TG: variants seen among roughly 807,000 people sequenced by gnomAD.
TG encodes thyroid hormones.
Under a neutral mutation model 324.7 loss-of-function variants are expected in TG, and 270 were observed. The ratio of observed to expected loss-of-function variants is 0.83; its 90% CI spans 0.75 to 0.92. The LOEUF (loss-of-function observed/expected upper bound fraction) is 0.92, where lower values mean the gene tolerates loss of function less well. Among genes scored for constraint, TG ranks in the 40% least tolerant of loss-of-function variants. The pLI is 0.00. For synonymous variants in TG, 1,401 were observed against 1,327.0 expected (o/e 1.06, Z -1.21); for missense variants, 3,591 against 3,456.4 (o/e 1.04, Z -0.98).
chr8:132,899,757 G>A (rs1817651214), intron 14 of TG, among the ~76,000 whole-genome samples: 2 of 152,182 alleles, frequency 1.3e-5, no homozygotes, highest in South Asian at 2.1e-4. Context: ...CACAATGTCC[G>A]ATGGTGGGAG....
chr8:133,059,553 C>A (rs1842059084), intron 41 of TG, among the ~76,000 whole-genome samples: 1 of 152,094 alleles, frequency 6.6e-6, no homozygotes, highest in Non-Finnish European at 1.5e-5. Context: ...TAGGCTCTTC[C>A]CCCGAGAATG....
intron 20 of TG, among the ~76,000 whole-genome samples, chr8:132,918,788 G>A (rs2132443018): frequency 6.6e-6 from 1 of 152,270 alleles, no homozygotes; most frequent in East Asian, 1.9e-4. Flanking sequence ...AAGAAAAACG[G>A]ATTAAAATAT....
chr8:133,049,173 C>G, intron 41 of TG: 1 of 456,556 alleles, frequency 2.2e-6, no homozygotes, highest in Non-Finnish European at 4.4e-6. Flanking sequence ...GCAGAGGCCT[C>G]ACTGGAACGA....
In TG at chr8:133,113,777, G is replaced by A. The variant is rs552375419; in HGVS notation, c.7754+174G>A. On this transcript the variant is annotated intron_variant, in intron 44 of 47. Coordinates refer to ENST00000220616, the MANE Select transcript of TG (RefSeq NM_003235.5). ...AGTGTCCCTGCTGAGGGGAAGCCCT[G>A]GAGGACATGTAGGGTGGACCCTGCT... is the stretch of plus-strand genomic sequence containing the variant. 2.5e-5 allele frequency: 19 copies of A among 761,140 alleles called. No individual in the cohort carries two copies. The African/African-American group carries it at 3.1e-4, about 13-fold the overall frequency. The allele number at this position is 761,140 out of a possible 1,614,324, so 47.1% of individuals were successfully genotyped here.
intron 43 of TG, among the ~76,000 whole-genome samples, chr8:133,106,808 T>C (rs1177040638): frequency 1.3e-5 from 2 of 152,160 alleles, no homozygotes; most frequent in African/African-American, 4.8e-5. Context: ...CTCACAGAAC[T>C]AGAAGCCCCA....
chr8:132,965,591 G>C (rs763816746), intron 29 of TG, among the ~76,000 whole-genome samples: 1 of 152,230 alleles, frequency 6.6e-6, no homozygotes, highest in Non-Finnish European at 1.5e-5. Flanking sequence ...AGCCCTCCAA[G>C]GTTACAGAGC....
intron 45 of TG, among the ~76,000 whole-genome samples, chr8:133,126,311 T>C (rs1325146042): frequency 6.6e-6 from 1 of 152,160 alleles, no homozygotes; most frequent in East Asian, 1.9e-4. Flanking sequence ...TTCAATTAGA[T>C]GTAAAATCAC....
In TG at chr8:132,873,191, T is replaced by A. The variant is rs745415156; in HGVS notation, c.608T>A (p.Met203Lys). ...QCKFVNTTDM[M>K]IFDLVHSYNR... ...AAATTTGTCAACACCACAGACATGA[T>A]GATTTTTGATCTGGTCCACAGCTAC... Residue 203 changes from methionine (M) to lysine (K), a missense_variant, in exon 5 of 48, where the codon ATG becomes AAG. Physicochemically the swap from Met to Lys is moderately conservative, Grantham distance 95. Coordinates refer to ENST00000220616, the MANE Select transcript of TG (RefSeq NM_003235.5). 5 of 1,614,158 alleles carry A rather than the reference T, an allele frequency of 3.1e-6. No individual in the cohort carries two copies. The highest frequency in any genetic ancestry group is 4.2e-6 in the Non-Finnish European group (5 of 1,180,028).
At position 133,029,830 on chromosome 8, in the gene TG, A is replaced by G. The variant is rs1587806762; in HGVS notation, c.7046A>G (p.Glu2349Gly). ...VFGFLSSGSG[E>G]VSGNWGLLDQ... Reference sequence around the variant, plus strand: ...TTCCTCTTTTCTGAAGGGTCCGGAGAGGTGAGTGGCAACTGGGGGCTGCTG... The same window carrying G: ...TTCCTCTTTTCTGAAGGGTCCGGAGGGGTGAGTGGCAACTGGGGGCTGCTG... The change falls in exon 41 of 48, where the codon GAG (glutamate) becomes GGG (glycine). Residue 2349 changes from glutamate (E) to glycine (G), a missense_variant. Glu to Gly is a moderately conservative substitution (Grantham distance 98, BLOSUM62 -2). Transcript: ENST00000220616. 7 of 1,614,076 alleles carry G rather than the reference A, an allele frequency of 4.3e-6. No individual in the cohort carries two copies. The highest frequency in any genetic ancestry group is 5.9e-6 in the Non-Finnish European group (7 of 1,179,952).
rs1217566110 is a variant in TG at position 133,017,949 on chromosome 8, C to T, written c.6734C>T (p.Ala2245Val). 1 of 1,614,088 alleles carries T rather than the reference C, an allele frequency of 6.2e-7. No homozygotes were observed. The highest frequency in any genetic ancestry group is 1.3e-5 in the African/African-American group (1 of 74,940). ...CCCCTGGCAGAGAGGCGCTTCCAGGCACCAGAGCCCTTGAACTGGACAGGC... is the reference window on the plus strand; with the variant it reads ...CCCCTGGCAGAGAGGCGCTTCCAGGTACCAGAGCCCTTGAACTGGACAGGC... ...APPLAERRFQ[A>V]PEPLNWTGSW... The change falls in exon 38 of 48, where the codon GCA becomes GTA. Residue 2245 changes from alanine to valine, a missense_variant. By Grantham distance (64) the Ala-to-Val change is moderately conservative. Transcript: ENST00000220616.
At chr8:133,121,919 T>C (rs1851170692) in intron 45 of TG, among the ~76,000 whole-genome samples, 1 of 152,230 alleles carries the variant, frequency 6.6e-6, no homozygotes, top group African/African-American at 2.4e-5. Context: ...ACTCATTTGA[T>C]TTTTGGCAAG....
At chr8:133,110,475 T>C (rs940474089) in intron 43 of TG, among the ~76,000 whole-genome samples, 2 of 152,188 alleles carry the variant, frequency 1.3e-5, no homozygotes, top group African/African-American at 4.8e-5. Flanking sequence ...AGCATAGAAA[T>C]AAAAGCAAGA....
At position 133,134,697 on chromosome 8, in the gene TG, C is replaced by T. The variant is rs746997831; in HGVS notation, c.8210C>T (p.Ser2737Leu). The change falls in exon 48 of 48, where the codon TCA becomes TTA. Residue 2737 changes from serine to leucine, a missense_variant. Coordinates refer to ENST00000220616, the MANE Select transcript of TG (RefSeq NM_003235.5). ...TSADGAKGGQ[S>L]AESEEEELTA... ...TCAGATGGAGCCAAGGGCGGGCAGT[C>T]AGCAGAGAGTGAAGAGGAGGAGTTG... The T allele has an allele frequency of 1.9e-6, 3 of 1,614,022 alleles. No homozygotes were observed. The East Asian group carries it at 6.7e-5, about 36-fold the overall frequency.
chr8:133,105,961 T>C (rs994794508), intron 43 of TG, among the ~76,000 whole-genome samples: 4 of 152,124 alleles, frequency 2.6e-5, no homozygotes, highest in Non-Finnish European at 5.9e-5. Flanking sequence ...TATAGGACAG[T>C]TGGAGCCCAC....
intron 36 of TG, 63 bp downstream of exon 36, chr8:133,012,098 A>G: frequency 6.2e-7 from 1 of 1,608,976 alleles, no homozygotes. Context: ...GCTGCTCAAG[A>G]TTCTCAACTT....
intron 1 of TG, among the ~76,000 whole-genome samples, chr8:132,867,666 T>G (rs1839080889): frequency 6.6e-6 from 1 of 152,048 alleles, no homozygotes; most frequent in African/African-American, 2.4e-5. Flanking sequence ...TAATTGGTAT[T>G]TCAATGTTTA....
At chr8:133,079,126 C>T (rs1845355670) in intron 41 of TG, among the ~76,000 whole-genome samples, 1 of 152,116 alleles carries the variant, frequency 6.6e-6, no homozygotes, top group Admixed American at 6.5e-5. Context: ...GCAGGTGATG[C>T]CCCCACCAAG....
chr8:133,006,201 G>A (rs1834001749), intron 35 of TG, among the ~76,000 whole-genome samples: 1 of 152,232 alleles, frequency 6.6e-6, no homozygotes, highest in South Asian at 2.1e-4. Flanking sequence ...GGCTGAGTGA[G>A]GTTTAGAACT....
intron 34 of TG, among the ~76,000 whole-genome samples, chr8:132,983,027 A>G (rs1831075137): frequency 6.6e-6 from 1 of 152,200 alleles, no homozygotes; most frequent in Non-Finnish European, 1.5e-5. Flanking sequence ...CCTGCATGGC[A>G]ATTATTGAAA....
Sources: gnomAD v4.1 joint callset for allele counts (sites outside exome capture counted in the v4.1 genomes callset) on GRCh38, gnomAD v4.1.1 for gene constraint, MANE v1.5 for transcripts, NCBI Gene and HGNC (gene_info 2026-07-23, HGNC 2026-07-21) for gene names.